The following RECQL4 variants were observed in gnomAD, a reference collection of about 807,000 sequenced individuals.
RECQL4 encodes the protein ATP-dependent DNA helicase Q4.
Under a neutral mutation model 128.6 loss-of-function variants are expected in RECQL4, and 158 were observed. The ratio of observed to expected loss-of-function variants is 1.23; its 90% CI spans 1.08 to 1.40. The LOEUF (loss-of-function observed/expected upper bound fraction) is 1.40. Among genes scored for constraint, RECQL4 ranks in the 40% most tolerant of loss-of-function variants. The pLI is 0.00. For missense variants in RECQL4, 2,293 were observed against 1,649.8 expected, an observed-to-expected ratio of 1.39 and a Z score of -6.75; for synonymous variants, 996 against 678.9, an observed-to-expected ratio of 1.47 and a Z score of -7.26.
chr8:144,515,459 T>G lies in RECQL4; in HGVS notation c.1259-2A>C. ...CAGCATCTGTGTCTTCCTCACTTGC[T>G]GGGGCAGGCAGGAGAGGGTAGAATG... On this transcript the variant is annotated splice_acceptor_variant, in intron 6 of 20. Transcript: ENST00000617875. LOFTEE classifies it high-confidence loss of function. The G allele has an allele frequency of 1.2e-6, 2 of 1,612,662 alleles. No individual in the cohort carries two copies. The highest frequency in any genetic ancestry group is 1.7e-6 in the Non-Finnish European group (2 of 1,179,806).
rs757279290 is a variant in RECQL4, at chr8:144,515,768, C to T, written c.1254G>A (p.Arg418=). The T allele has an allele frequency of 3.1e-6, 5 of 1,612,208 alleles. No homozygotes were observed. Among genetic ancestry groups the T allele is most frequent in the Non-Finnish European group, 1.7e-6 (2 of 1,179,640 alleles). The change falls in exon 6 of 21, where the codon CGG becomes CGA. Residue 418 remains arginine (R), a synonymous_variant. Coordinates refer to ENST00000617875, the MANE Select transcript of RECQL4 (RefSeq NM_004260.4). ...QFDHWAAQCP[R]PASEEDTDAV... ...CCTCCAGGGCAGATGTCTCACCTGG[C>T]CGGGGACACTGGGCTGCCCAGTGAT... is the stretch of plus-strand genomic sequence containing the variant.
At chr8:144,514,611 C>G in intron 9 of RECQL4, 86 bp from the exon 10 acceptor site, 1 of 1,371,436 alleles carries the variant, frequency 7.3e-7, no homozygotes, top group Non-Finnish European at 1.0e-6. Context: ...CCATGTCCAT[C>G]CTAGTCCCTC....
rs1200160895 is a variant in RECQL4 at position 144,512,983 on chromosome 8, A to G, written c.2619T>C (p.Pro873=). The G allele has an allele frequency of 1.9e-6, 3 of 1,570,364 alleles. No homozygotes were observed. The South Asian group carries it at 3.5e-5, about 18-fold the overall frequency. The stretch of plus-strand genomic sequence containing the variant: ...CCTCTTGAGGGGGGTACTTGGGCAC[A>G]GGCCTCTCCCCACCCACGGCCCCTT... ...EQEGAVGGER[P]VPKYPPQEAE... is the part of the protein sequence containing the mutation. The change falls in exon 15 of 21, where the codon CCT becomes CCC. Residue 873 remains proline (P), a synonymous_variant. Coordinates refer to ENST00000617875, the MANE Select transcript of RECQL4 (RefSeq NM_004260.4).
chr8:144,516,425 C>G lies in RECQL4; in HGVS notation c.694G>C (p.Ala232Pro), dbSNP rs776332812. The G allele has an allele frequency of 6.2e-7, 1 of 1,609,166 alleles. No individual in the cohort carries two copies. The part of the protein sequence containing the change: ...PGESAVLGPG[A>P]GSQGPEASAF... The stretch of plus-strand genomic sequence containing the variant: ...GAAGCCTCTGGGCCCTGGGAGCCAG[C>G]ACCAGGACCAAGGACAGCCGACTCA... The change falls in exon 5 of 21, where the codon GCT becomes CCT. Residue 232 changes from alanine to proline, a missense_variant. Coordinates refer to ENST00000617875, the MANE Select transcript of RECQL4 (RefSeq NM_004260.4).
In RECQL4 at chr8:144,511,469, C is replaced by A. The variant is rs1333144821; in HGVS notation, c.3589G>T (p.Gly1197Cys). The part of the protein sequence containing the change: ...YLHLSFHALV[G>C]LATEELLQVA... ...TGCAGGAGCTCTTCCGTGGCCAGGC[C>A]CACCAGGGCATGGAAGCTCAGGTGC... Residue 1197 changes from glycine to cysteine, a missense_variant, in exon 21 of 21, where the codon GGC becomes TGC. Coordinates refer to ENST00000617875, the MANE Select transcript of RECQL4 (RefSeq NM_004260.4). 6.2e-7 allele frequency: 1 copy of A among 1,612,540 alleles called. No homozygotes were observed. Among genetic ancestry groups the A allele is most frequent in the Non-Finnish European group, 8.5e-7 (1 of 1,179,750 alleles).
At position 144,511,910 on chromosome 8, in the gene RECQL4, C is replaced by T. The variant is rs1586790519; in HGVS notation, c.3393+1G>A. 3.7e-6 allele frequency: 6 copies of T among 1,610,652 alleles called. No individual in the cohort carries two copies. The highest frequency in any genetic ancestry group is 1.7e-5 in the Admixed American group (1 of 60,014). ...GAGCTGCCTGGCCTTACTGCACTCA[C>T]TCTGGCCTGCCCTGGCTCGGGGCCC... is the stretch of plus-strand genomic sequence containing the variant. On this transcript the variant is annotated splice_donor_variant, in intron 19 of 20. Transcript: ENST00000617875. LOFTEE classifies it high-confidence loss of function.
rs941281893 is a variant in RECQL4, at chr8:144,517,733, A to G, written c.52T>C (p.Phe18Leu). Residue 18 changes from phenylalanine (F) to leucine (L), a missense_variant, in exon 1 of 21, where the codon TTC becomes CTC. Physicochemically the swap from Phe to Leu is conservative, Grantham distance 22. Coordinates refer to ENST00000617875, the MANE Select transcript of RECQL4 (RefSeq NM_004260.4). ...GGTCGCCGCCCGCGCTGCCGTCGGAACGCGCGCTCCCACGCCTGCAGCCGC... is the reference window on the plus strand; with the variant it reads ...GGTCGCCGCCCGCGCTGCCGTCGGAGCGCGCGCTCCCACGCCTGCAGCCGC... ...RERLQAWERA[F>L]RRQRGRRPSQ... 2.8e-5 allele frequency: 38 copies of G among 1,349,684 alleles called. No homozygotes were observed. Among genetic ancestry groups the G allele is most frequent in the Middle Eastern group, 2.7e-4 (1 of 3,662 alleles). 83.6% of individuals were successfully genotyped at this position (1,349,684 alleles called of 1,614,324 possible).
chr8:144,511,690 G>C lies in RECQL4; in HGVS notation c.3493C>G (p.His1165Asp), dbSNP rs774202918. Reference protein sequence around the residue: ...FSSRAVARIFHGIGSPCYPAQ... With the variant: ...FSSRAVARIFDGIGSPCYPAQ... ...GCCTCCCAGGCCTCACCGATGCCGT[G>C]GAAGATGCGGGCCACAGCCCTGCTG... The change falls in exon 20 of 21, where the codon CAC (histidine) becomes GAC (aspartate). Residue 1165 changes from histidine (H) to aspartate (D), a missense_variant. Physicochemically the swap from His to Asp is moderately conservative, Grantham distance 81 (BLOSUM62 -1). Coordinates refer to ENST00000617875, the MANE Select transcript of RECQL4 (RefSeq NM_004260.4). The C allele has an allele frequency of 6.2e-7, 1 of 1,612,454 alleles. No homozygotes were observed. Among genetic ancestry groups the C allele is most frequent in the Non-Finnish European group, 8.5e-7 (1 of 1,179,756 alleles).
In RECQL4 at chr8:144,515,044, T is replaced by C. The variant is rs1586815342; in HGVS notation, c.1512A>G (p.Thr504=). 2.5e-6 allele frequency: 4 copies of C among 1,609,688 alleles called. No homozygotes were observed. Among genetic ancestry groups the C allele is most frequent in the Non-Finnish European group, 3.4e-6 (4 of 1,178,766 alleles). ...GGTAGCACAGGGACTTGCCGGCACC[T>C]GTAGGCAGCACCAGCAGCGTGGAGA... The part of the protein sequence containing the change: ...SGISTLLVLP[T]GAGKSLCYQL... The change falls in exon 9 of 21, where the codon ACA becomes ACG. Residue 504 remains threonine, a synonymous_variant. Transcript: ENST00000617875.
At chr8:144,514,796 G>T in intron 9 of RECQL4, 140 bp downstream of exon 9, 2 of 1,115,088 alleles carry the variant, frequency 1.8e-6, no homozygotes, top group Non-Finnish European at 2.6e-6. Context: ...TTGACCTGCT[G>T]CCAAGACTGG....
chr8:144,512,573 G>A lies in RECQL4; in HGVS notation c.2886-12C>T, dbSNP rs200998618. ...CCAAAGGGGGACACCTGTGCCCAGG[G>A]AAAAAGGGACATGTGGCCAACAGCC... On this transcript the variant is annotated splice_polypyrimidine_tract_variant and intron_variant, in intron 16 of 20. Coordinates refer to ENST00000617875, the MANE Select transcript of RECQL4 (RefSeq NM_004260.4). The A allele has an allele frequency of 5.0e-6, 8 of 1,612,204 alleles. No homozygotes were observed. In the South Asian group the frequency reaches 5.5e-5, roughly 11 times the overall value.
rs772931084 is a variant in RECQL4, at chr8:144,515,245, G to A, written c.1391-3C>T. 1.9e-6 allele frequency: 3 copies of A among 1,597,792 alleles called. No individual in the cohort carries two copies. Among genetic ancestry groups the A allele is most frequent in the Non-Finnish European group, 1.7e-6 (2 of 1,172,964 alleles). On this transcript the variant is annotated splice_polypyrimidine_tract_variant and splice_region_variant and intron_variant, in intron 7 of 20. Coordinates refer to ENST00000617875, the MANE Select transcript of RECQL4 (RefSeq NM_004260.4). ...CTGGAACACCTCAGCCGGCGTCTCT[G>A]CAGACACAGATGTTGATCACCATGA...
rs148752485 is a variant in RECQL4 at position 144,511,941 on chromosome 8, G to T, written c.3363C>A (p.Asp1121Glu). 1.9e-6 allele frequency: 3 copies of T among 1,611,360 alleles called. No homozygotes were observed. The highest frequency in any genetic ancestry group is 8.5e-7 in the Non-Finnish European group (1 of 1,179,780). ...EEGQEPGGME[D>E]AQGPEPGQAR... ...CCTGCCCTGGCTCGGGGCCCTGTGC[G>T]TCCTCCATGCCTCCCGGCTCCTGCC... Residue 1121 changes from aspartate to glutamate, a missense_variant, in exon 19 of 21, where the codon GAC becomes GAA. Physicochemically the swap from Asp to Glu is conservative, Grantham distance 45. Coordinates refer to ENST00000617875, the MANE Select transcript of RECQL4 (RefSeq NM_004260.4).
In RECQL4 at chr8:144,513,604, AG is replaced by A; in HGVS notation, c.2166del (p.Cys723AlafsTer120). ...CCTGGGACCCAGGCTGCGTGCAGGC[AG>A]GTTCGGAGGAGCGCAGCGATCCGCT... ...DTERIAALLR[T>X]CLHAAWVPGS... is the part of the protein sequence containing the mutation. On this transcript the variant is annotated frameshift_variant, in exon 13 of 21. Transcript: ENST00000617875. LOFTEE classifies it high-confidence loss of function. 6.2e-7 allele frequency: 1 copy of A among 1,607,794 alleles called. No individual in the cohort carries two copies. The highest frequency in any genetic ancestry group is 8.5e-7 in the Non-Finnish European group (1 of 1,177,782).
chr8:144,517,680 CGGCCCCTG>C lies in RECQL4; in HGVS notation c.84+13_84+20del, dbSNP rs1212849717. ...GCCGCGGGCCGCGCCCTCAGCCCCT[CGGCCCCTG>C]GGCAGCCCGCACCTGGCTCGGTCGC... On this transcript the variant is annotated intron_variant, in intron 1 of 20. Transcript: ENST00000617875. The C allele has an allele frequency of 8.2e-6, 12 of 1,455,114 alleles. No homozygotes were observed. Among genetic ancestry groups the C allele is most frequent in the Non-Finnish European group, 1.1e-5 (12 of 1,110,256 alleles). The allele number at this position is 1,455,114 out of a possible 1,614,324, so 90.1% of individuals were successfully genotyped here.
rs778386703 is a variant in RECQL4, at chr8:144,513,112, T to C, written c.2490A>G (p.Arg830=). Residue 830 remains arginine, a synonymous_variant, in exon 15 of 21, where the codon AGA becomes AGG. Transcript: ENST00000617875. ...AGTCCGTGCTGTCGGCGTGCACATG[T>C]CTGCGCAGCTCTCGCAGGTCTTCGC... ...PQGEDLRELR[R]HVHADSTDFL... is the part of the protein sequence containing the mutation. The C allele has an allele frequency of 1.3e-6, 2 of 1,566,044 alleles. No homozygotes were observed.
chr8:144,514,922 C>A lies in RECQL4; in HGVS notation c.1620+14G>T. 3 of 1,610,144 alleles carry A rather than the reference C, an allele frequency of 1.9e-6. No individual in the cohort carries two copies. The highest frequency in any genetic ancestry group is 2.5e-6 in the Non-Finnish European group (3 of 1,179,194). The stretch of plus-strand genomic sequence containing the variant: ...CTTGGCTGTGTACGTGTGCCCAGGG[C>A]CCTGTGTGCACACCTGGTCATCCAT... On this transcript the variant is annotated intron_variant, in intron 9 of 20. Coordinates refer to ENST00000617875, the MANE Select transcript of RECQL4 (RefSeq NM_004260.4).
intron 2 of RECQL4, 26 bp downstream of exon 2, chr8:144,517,576 C>CCCCCGCCG (rs1815391675): frequency 1.3e-5 from 19 of 1,480,552 alleles, no homozygotes; most frequent in Non-Finnish European, 1.7e-5. Flanking sequence ...TGTCTTCTCG[C>CCCCCGCCG]CCCCGCCGCC....
chr8:144,515,919 T>G (rs770551426), intron 5 of RECQL4, 29 bp from the exon 6 acceptor site: 1 of 1,612,570 alleles, frequency 6.2e-7, no homozygotes, highest in Non-Finnish European at 8.5e-7. Flanking sequence ...GGAGGGTCAC[T>G]GGGCGGGAAA....
Sources: allele counts gnomAD v4.1 joint callset, GRCh38; gene constraint gnomAD v4.1.1; transcripts MANE v1.5; gene names NCBI Gene and HGNC (gene_info 2026-07-23, HGNC 2026-07-21).